Variants in SYNE2 observed in about 807,000 individuals in gnomAD.
SYNE2 encodes the protein nesprin-2.
In SYNE2, 431 loss-of-function variants were observed where a neutral mutation model predicts 856.3. The ratio of observed to expected loss-of-function variants is 0.50; its 90% CI spans 0.47 to 0.55. The LOEUF (loss-of-function observed/expected upper bound fraction) is 0.55, where lower values mean the gene tolerates loss of function less well. Ranked by LOEUF, SYNE2 falls within the 20% of genes least tolerant of loss-of-function variation. The probability of loss-of-function intolerance (pLI) is 0.00; values close to 1 mark genes in which losing one functional copy is unlikely to be tolerated. For synonymous variants in SYNE2, 2,923 were observed against 2,872.3 expected, an observed-to-expected ratio of 1.02 and a Z score of -0.56; for missense variants, 8,129 against 8,023.2, an observed-to-expected ratio of 1.01 and a Z score of -0.50.
At chr14:63,924,834 GTTTTTTTTTT>G (rs1160819887) in intron 2 of SYNE2, among the ~76,000 whole-genome samples, 1 of 56,416 alleles carries the variant, frequency 1.8e-5, no homozygotes, top group Admixed American at 2.3e-4. Context: ...CAGCCTTGGT[GTTTTTTTTTT>G]TTTTTTTTTT....
In SYNE2 at chr14:64,134,071, A is replaced by G. The variant is rs1447588935; in HGVS notation, c.14517A>G (p.Lys4839=). The G allele has an allele frequency of 6.8e-6, 11 of 1,613,962 alleles. No individual in the cohort carries two copies. The highest frequency in any genetic ancestry group is 7.6e-6 in the Non-Finnish European group (9 of 1,179,974). ...ATTTTATGTCCTTGATTCTCTAGAA[A>G]TGGGAAGAATTTGATGAAAACTATG... ...CGMKLQSLLQ[K]WEEFDENYAS... The change falls in exon 78 of 116, where the codon AAA becomes AAG. Residue 4839 remains lysine (K), a splice_region_variant and synonymous_variant. Coordinates refer to ENST00000555002, the MANE Select transcript of SYNE2 (RefSeq NM_182914.3).
At chr14:64,186,256 A>T (rs1429272661) in intron 96 of SYNE2, among the ~76,000 whole-genome samples, 168 bp from the exon 97 acceptor site, 1 of 152,228 alleles carries the variant, frequency 6.6e-6, no homozygotes. Context: ...AGAACTGGCC[A>T]ACCACAACTG....
intron 1 of SYNE2, among the ~76,000 whole-genome samples, chr14:63,876,514 G>C (rs570872971): frequency 1.4e-5 from 2 of 145,230 alleles, no homozygotes; most frequent in Admixed American, 1.4e-4. Flanking sequence ...TTGAGACCGA[G>C]TCTCGCTCTG....
intron 34 of SYNE2, among the ~76,000 whole-genome samples, 192 bp from the exon 35 acceptor site, chr14:64,019,800 G>A (rs974112237): frequency 3.9e-5 from 6 of 152,134 alleles, no homozygotes; most frequent in African/African-American, 1.4e-4. Flanking sequence ...CTAGAAAGAC[G>A]CTTGGTTGTA....
intron 25 of SYNE2, 32 bp downstream of exon 25, chr14:63,997,423 A>G (rs1260516814): frequency 6.5e-7 from 1 of 1,538,748 alleles, no homozygotes; most frequent in Non-Finnish European, 8.9e-7. Flanking sequence ...TTTTAGAAGT[A>G]AACCCAAAGT....
intron 13 of SYNE2, among the ~76,000 whole-genome samples, chr14:63,978,488 G>C (rs1276496461): frequency 1.3e-5 from 2 of 152,118 alleles, no homozygotes; most frequent in African/African-American, 4.8e-5. Context: ...GAGGGTGTTA[G>C]CATTAATAAT....
At chr14:63,903,044 T>C (rs1341086332) in intron 1 of SYNE2, among the ~76,000 whole-genome samples, 1 of 152,192 alleles carries the variant, frequency 6.6e-6, no homozygotes, top group Non-Finnish European at 1.5e-5. Context: ...TCCTGAGAAG[T>C]TCCTTGGAAC....
chr14:64,162,505 C>G lies in SYNE2; in HGVS notation c.16299+229C>G. 8.7e-6 allele frequency: 5 copies of G among 575,888 alleles called. No individual in the cohort carries two copies. In the South Asian group the frequency reaches 9.5e-5, roughly 11 times the overall value. 35.7% of individuals were successfully genotyped at this position (575,888 alleles called of 1,614,324 possible). On this transcript the variant is annotated intron_variant, in intron 88 of 115. Transcript: ENST00000555002. ...CAGGGGGACTCGATATCACCTCGTT[C>G]CAAGTCTGTGCTTTCTCTCTAGTGT...
chr14:64,007,096 A>G lies in SYNE2; in HGVS notation c.4451A>G (p.Lys1484Arg), dbSNP rs765559908. 1.9e-6 allele frequency: 3 copies of G among 1,613,500 alleles called. No individual in the cohort carries two copies. The highest frequency in any genetic ancestry group is 1.3e-5 in the African/African-American group (1 of 74,898). The stretch of plus-strand genomic sequence containing the variant: ...GTTCTAGATGAATATGAAGAAGAGA[A>G]GAGACATTTACAAGAAATGGCTAAT... ...DKVLDEYEEE[K>R]RHLQEMANSL... Residue 1484 changes from lysine to arginine, a missense_variant, in exon 31 of 116, where the codon AAG becomes AGG. Lys to Arg is a conservative substitution (Grantham distance 26, BLOSUM62 2). Around this residue, in one of 3 missense-constraint regions of SYNE2, gnomAD observed 2,422 missense variants for 2,357.4 expected, o/e 1.03. Transcript: ENST00000555002.
intron 1 of SYNE2, among the ~76,000 whole-genome samples, chr14:63,775,103 A>G (rs1029137945): frequency 6.6e-6 from 1 of 152,010 alleles, no homozygotes; most frequent in Non-Finnish European, 1.5e-5. Flanking sequence ...CAACCTCCCA[A>G]GTAGCTGGGA....
intron 1 of SYNE2, among the ~76,000 whole-genome samples, chr14:63,763,696 G>T (rs760101983): frequency 1.3e-5 from 2 of 152,102 alleles, no homozygotes; most frequent in South Asian, 2.1e-4. Flanking sequence ...ACAAGGTCTT[G>T]TTCTGTCCCC....
At chr14:64,182,633 C>T (rs950474232) in intron 96 of SYNE2, among the ~76,000 whole-genome samples, 1 of 152,194 alleles carries the variant, frequency 6.6e-6, no homozygotes, top group African/African-American at 2.4e-5. Flanking sequence ...TAACAAAGCA[C>T]ATCTTGCACC....
chr14:64,019,817 G>C (rs1302500934), intron 34 of SYNE2, among the ~76,000 whole-genome samples, 175 bp from the exon 35 acceptor site: 1 of 152,184 alleles, frequency 6.6e-6, no homozygotes, highest in Non-Finnish European at 1.5e-5. Flanking sequence ...TGTAGCATTT[G>C]CCTGACCCCT....
intron 25 of SYNE2, among the ~76,000 whole-genome samples, chr14:63,997,750 T>G (rs1234357024): frequency 6.6e-6 from 1 of 152,230 alleles, no homozygotes; most frequent in Non-Finnish European, 1.5e-5. Flanking sequence ...TCATTTATCA[T>G]TTGCCTTTTC....
chr14:63,930,823 A>G (rs918671558), intron 2 of SYNE2, among the ~76,000 whole-genome samples: 1 of 152,228 alleles, frequency 6.6e-6, no homozygotes. Flanking sequence ...GGCGTGAGCC[A>G]CCACACCATA....
chr14:64,226,426 TAGCC>T lies in SYNE2; in HGVS notation c.*903_*906del, dbSNP rs2098718569. On this transcript the variant is annotated 3_prime_UTR_variant, in exon 116 of 116. Coordinates refer to ENST00000555002, the MANE Select transcript of SYNE2 (RefSeq NM_182914.3). ...GATGTTTCTCATTAAAAAACAAAAT[TAGCC>T]AGACTTCTGTTGTACTGAATTCTGT... is the stretch of plus-strand genomic sequence containing the variant. 2.0e-5 allele frequency: 3 copies of T among 152,678 alleles called. No homozygotes were observed. The highest frequency in any genetic ancestry group is 7.2e-5 in the African/African-American group (3 of 41,542). 9.5% of individuals were successfully genotyped at this position (152,678 alleles called of 1,614,324 possible).
intron 1 of SYNE2, among the ~76,000 whole-genome samples, chr14:63,866,460 C>T (rs1895351546): frequency 6.6e-6 from 1 of 152,064 alleles, no homozygotes; most frequent in Non-Finnish European, 1.5e-5. Context: ...CCCAGGAGTT[C>T]AAGACCAGCC....
In SYNE2 at chr14:63,992,625, C is replaced by T. The variant is rs927610747; in HGVS notation, c.2647-1210C>T. Among the ~76,000 whole-genome samples, 8 of 152,238 alleles carry T rather than the reference C, an allele frequency of 5.3e-5. No homozygotes were observed. The East Asian group carries it at 1.4e-3, about 26-fold the overall frequency. On this transcript the variant is annotated intron_variant, in intron 21 of 115. Transcript: ENST00000555002. ...GAAGGGCTGGAGGTGTCAGTTTTCA[C>T]ACCATTTTCCTCTCCCTGACCTTCT...
chr14:64,225,375 C>T lies in SYNE2; in HGVS notation c.20573C>T (p.Ala6858Val), dbSNP rs1428738243. The T allele has an allele frequency of 1.2e-6, 2 of 1,614,132 alleles. No individual in the cohort carries two copies. The highest frequency in any genetic ancestry group is 1.3e-5 in the African/African-American group (1 of 75,046). Reference protein sequence around the residue: ...RSFLSRVVRAALPLQLLLLLL... With the variant: ...RSFLSRVVRAVLPLQLLLLLL... ...TTCCTCTCAAGGGTGGTCCGGGCAGCCCTACCCCTGCAGCTGCTCCTCCTG... is the reference window on the plus strand; with the variant it reads ...TTCCTCTCAAGGGTGGTCCGGGCAGTCCTACCCCTGCAGCTGCTCCTCCTG... Residue 6858 changes from alanine to valine, a missense_variant, in exon 116 of 116, where the codon GCC becomes GTC. Transcript: ENST00000555002.
Sources: gnomAD v4.1 joint callset for allele counts (sites outside exome capture counted in the v4.1 genomes callset) on GRCh38, gnomAD v4.1.1 for gene constraint, gnomAD v4.1.1 regional missense constraint, MANE v1.5 for transcripts, NCBI Gene and HGNC (gene_info 2026-07-23, HGNC 2026-07-21) for gene names.